Variants in SYNE2 observed in about 807,000 individuals in gnomAD.
SYNE2 encodes spectrin repeat containing nuclear envelope protein 2.
SYNE2 carries 431 observed loss-of-function variants against 856.3 expected under a neutral mutation model. The observed-to-expected ratio is 0.50, with a 90% CI of 0.47 to 0.55. The LOEUF (loss-of-function observed/expected upper bound fraction) is 0.55. Ranked by LOEUF, SYNE2 falls within the 20% of genes least tolerant of loss-of-function variation. The pLI is 0.00. For missense variants in SYNE2, 8,129 were observed against 8,023.2 expected (o/e 1.01, Z -0.50); for synonymous variants, 2,923 against 2,872.3 (o/e 1.02, Z -0.56).
At chr14:64,185,383 G>A (rs2098483466) in intron 96 of SYNE2, among the ~76,000 whole-genome samples, 1 of 152,034 alleles carries the variant, frequency 6.6e-6, no homozygotes, top group African/African-American at 2.4e-5. Context: ...ATAAAAATCT[G>A]GTAGACTCTT....
chr14:64,063,329 C>G (rs976960865), intron 50 of SYNE2, among the ~76,000 whole-genome samples: 3 of 152,202 alleles, frequency 2.0e-5, no homozygotes, highest in African/African-American at 7.2e-5. Flanking sequence ...ATTATAGGCG[C>G]GAGCCACTGC....
Position 63,948,959 on chromosome 14 carries a change from C to T in SYNE2, c.409-866C>T, listed in dbSNP as rs145106770. ...TGCTGCAGCTTGATTTATGGTGCAG[C>T]ATGGTCAGTGTCAGTAAATGTTCTG... On this transcript the variant is annotated intron_variant, in intron 6 of 115. Transcript: ENST00000555002. 4.3e-3 allele frequency among the ~76,000 whole-genome samples: 652 copies of T among 151,554 alleles called. 5 individuals are homozygous for T. Among genetic ancestry groups the T allele is most frequent in the African/African-American group, 0.015 (624 of 41,264 alleles).
At chr14:63,897,528 T>C (rs2095272321) in intron 1 of SYNE2, among the ~76,000 whole-genome samples, 1 of 152,238 alleles carries the variant, frequency 6.6e-6, no homozygotes, top group Non-Finnish European at 1.5e-5. Context: ...TCTCCTTGTG[T>C]ATACATGCAC....
At chr14:64,014,649 G>A (rs1347580068) in intron 32 of SYNE2, among the ~76,000 whole-genome samples, 4 of 141,962 alleles carry the variant, frequency 2.8e-5, no homozygotes, top group South Asian at 2.1e-4. Context: ...GGCTGGTCTC[G>A]AACTCCTGAC....
chr14:64,155,329 T>C (rs1362704098), intron 85 of SYNE2, among the ~76,000 whole-genome samples: 1 of 151,838 alleles, frequency 6.6e-6, no homozygotes, highest in Non-Finnish European at 1.5e-5. Flanking sequence ...CTTGGAAACA[T>C]TATGGTGAGT....
chr14:63,835,721 C>T (rs1047682092), intron 1 of SYNE2, among the ~76,000 whole-genome samples: 4 of 152,140 alleles, frequency 2.6e-5, no homozygotes, highest in South Asian at 2.1e-4. Flanking sequence ...TGGTGGCTAA[C>T]GCCTGTAATC....
At chr14:64,130,651 G>T (rs74757136) in intron 76 of SYNE2, among the ~76,000 whole-genome samples, 3,416 of 152,236 alleles carry the variant, frequency 0.022, 42 homozygotes, top group African/African-American at 0.037. Flanking sequence ...TTGGGAGGCT[G>T]AGGCGGGTGG....
chr14:63,810,079 G>A (rs1888556420), intron 1 of SYNE2, among the ~76,000 whole-genome samples: 1 of 152,118 alleles, frequency 6.6e-6, no homozygotes, highest in Non-Finnish European at 1.5e-5. Context: ...TTTAAAACTA[G>A]CCAGGTGGGA....
chr14:64,134,617 A>T (rs1476691698), intron 78 of SYNE2, among the ~76,000 whole-genome samples: 3 of 152,170 alleles, frequency 2.0e-5, no homozygotes, highest in African/African-American at 7.2e-5. Flanking sequence ...TTTTATTCCT[A>T]CAGTGAAGTC....
chr14:64,187,422 T>A (rs2098497498), intron 97 of SYNE2, among the ~76,000 whole-genome samples: 1 of 152,198 alleles, frequency 6.6e-6, no homozygotes, highest in African/African-American at 2.4e-5. Flanking sequence ...AAAAGTGTTC[T>A]GAAAGTTAAG....
intron 61 of SYNE2, among the ~76,000 whole-genome samples, chr14:64,095,329 G>A (rs1048040822): frequency 6.6e-6 from 1 of 152,116 alleles, no homozygotes; most frequent in Non-Finnish European, 1.5e-5. Flanking sequence ...ATTGTAAAAC[G>A]GAATCTAAAC....
In SYNE2 at chr14:64,053,594, G is replaced by C; in HGVS notation, c.9681G>C (p.Glu3227Asp). ...ACTCTTCTGAAGCGAGTGATGTGGA[G>C]ACAAAACTACGTGAGTTTGAAGATC... Reference protein sequence around the residue: ...EENSSEASDVETKLREFEDLQ... With the variant: ...EENSSEASDVDTKLREFEDLQ... Residue 3227 changes from glutamate to aspartate, a missense_variant, in exon 48 of 116, where the codon GAG (glutamate) becomes GAC (aspartate). Transcript: ENST00000555002. 6.2e-7 allele frequency: 1 copy of C among 1,613,672 alleles called. No homozygotes were observed. Among genetic ancestry groups the C allele is most frequent in the Non-Finnish European group, 8.5e-7 (1 of 1,179,902 alleles).
chr14:64,198,278 T>C (rs1184694778), intron 99 of SYNE2, among the ~76,000 whole-genome samples: 2 of 152,260 alleles, frequency 1.3e-5, no homozygotes, highest in Non-Finnish European at 2.9e-5. Context: ...GTCTGGTTTC[T>C]GAATAGGTTT....
At chr14:63,951,485 A>G (rs1037074309) in intron 7 of SYNE2, among the ~76,000 whole-genome samples, 2 of 152,044 alleles carry the variant, frequency 1.3e-5, no homozygotes, top group African/African-American at 4.8e-5. Context: ...TATTTTTAGT[A>G]GAGATGAGGT....
At chr14:64,135,905 G>A (rs1475145328) in intron 78 of SYNE2, among the ~76,000 whole-genome samples, 1 of 152,164 alleles carries the variant, frequency 6.6e-6, no homozygotes, top group African/African-American at 2.4e-5. Context: ...GAACCTAGGA[G>A]TCAGTTGTCT....
intron 76 of SYNE2, among the ~76,000 whole-genome samples, chr14:64,130,506 C>G (rs1234841804): frequency 6.6e-6 from 1 of 152,170 alleles, no homozygotes; most frequent in Non-Finnish European, 1.5e-5. Context: ...TATTTATCAA[C>G]AAGTCTTCAA....
intron 50 of SYNE2, 82 bp downstream of exon 50, chr14:64,062,977 C>T: frequency 6.6e-7 from 1 of 1,507,580 alleles, no homozygotes; most frequent in Admixed American, 1.7e-5. Context: ...AGAATGTGGT[C>T]CTGTTAAGAC....
intron 1 of SYNE2, among the ~76,000 whole-genome samples, chr14:63,802,904 G>T (rs1345175173): frequency 6.6e-6 from 1 of 152,150 alleles, no homozygotes; most frequent in Non-Finnish European, 1.5e-5. Context: ...GCAGATCTTC[G>T]CGGTGAGTGT....
intron 45 of SYNE2, among the ~76,000 whole-genome samples, chr14:64,044,622 C>G (rs2097172693): frequency 6.6e-6 from 1 of 152,128 alleles, no homozygotes; most frequent in Admixed American, 6.5e-5. Context: ...CCACAATTCC[C>G]ATGTGTCATG....
Sources: allele counts gnomAD v4.1 joint callset (sites outside exome capture counted in the v4.1 genomes callset), GRCh38; gene constraint gnomAD v4.1.1; transcripts MANE v1.5; gene names NCBI Gene and HGNC (gene_info 2026-07-23, HGNC 2026-07-21).